Variants in DLGAP1 observed in about 807,000 individuals in gnomAD.
The protein encoded by DLGAP1 is DLG associated protein 1, also known as disks large-associated protein 1.
A neutral mutation model predicts 90.8 loss-of-function variants in DLGAP1; 11 were observed. The ratio of observed to expected loss-of-function variants is 0.12; its 90% CI spans 0.08 to 0.20. The LOEUF (loss-of-function observed/expected upper bound fraction) is 0.20, where lower values mean the gene tolerates loss of function less well. Among genes scored for constraint, DLGAP1 ranks in the 10% least tolerant of loss-of-function variants. DLGAP1 has a pLI of 1.00. For synonymous variants in DLGAP1, 558 were observed against 540.7 expected, an observed-to-expected ratio of 1.03 and a Z score of -0.44; for missense variants, 1,050 against 1,333.8, an observed-to-expected ratio of 0.79 and a Z score of 3.31.
intron 3 of DLGAP1, among the ~76,000 whole-genome samples, chr18:3,914,298 G>A (rs953443289): frequency 4.6e-5 from 7 of 152,138 alleles, no homozygotes; most frequent in Admixed American, 6.5e-5. Context: ...AAGTGAGGTC[G>A]TGCAGTATTT....
At chr18:3,870,649 T>TATCA (rs1017918167) in intron 4 of DLGAP1, among the ~76,000 whole-genome samples, 5 of 150,030 alleles carry the variant, frequency 3.3e-5, no homozygotes, top group Non-Finnish European at 5.9e-5. Context: ...TCTATCTATC[T>TATCA]ATCAAATAAA....
intron 7 of DLGAP1, chr18:3,654,016 T>A (rs1477205120): frequency 6.6e-6 from 1 of 152,294 alleles, no homozygotes; most frequent in African/African-American, 2.4e-5. Flanking sequence ...TGAGAATGCA[T>A]GCATGGAACA....
intron 3 of DLGAP1, among the ~76,000 whole-genome samples, chr18:3,888,000 T>C (rs913663195): frequency 1.4e-4 from 21 of 146,254 alleles, no homozygotes; most frequent in Admixed American, 7.7e-4. Flanking sequence ...CCCAGCTACT[T>C]GGGAGGCTGA....
At chr18:4,161,518 T>C (rs1235561326) in intron 1 of DLGAP1, among the ~76,000 whole-genome samples, 3 of 152,194 alleles carry the variant, frequency 2.0e-5, no homozygotes, top group Non-Finnish European at 2.9e-5. Context: ...GTTGATTCCA[T>C]GTCTTTGCTA....
At chr18:3,818,794 C>T (rs1183234953) in intron 4 of DLGAP1, among the ~76,000 whole-genome samples, 1 of 151,390 alleles carries the variant, frequency 6.6e-6, no homozygotes, top group Non-Finnish European at 1.5e-5. Flanking sequence ...TGGGGTTTTG[C>T]CATGTTGGCC....
intron 4 of DLGAP1, among the ~76,000 whole-genome samples, chr18:3,844,888 A>G (rs2068922623): frequency 6.6e-6 from 1 of 152,198 alleles, no homozygotes; most frequent in Non-Finnish European, 1.5e-5. Flanking sequence ...TTCAACAATC[A>G]GTGCTTAAGT....
In DLGAP1 at chr18:4,274,458, TTCCCTCTCAC is replaced by T. The variant is rs202096138; in HGVS notation, c.-266-123181_-266-123172del. Among the ~76,000 whole-genome samples the T allele has an allele frequency of 9.6e-3, 1,455 of 152,332 alleles. 27 individuals carry two copies. The highest frequency in any genetic ancestry group is 0.034 in the African/African-American group (1,401 of 41,586). On this transcript the variant is annotated intron_variant, in intron 1 of 12. Coordinates refer to ENST00000315677, the MANE Select transcript of DLGAP1 (RefSeq NM_004746.4). ...TGGTCCATTCTGGAAAACAGTCCTC[TTCCCTCTCAC>T]TTTGGACAGTCGAGAATTTACTCAA...
intron 7 of DLGAP1, among the ~76,000 whole-genome samples, chr18:3,702,048 ATTAATTATTTATTTACTT>A (rs781371013): frequency 2.6e-5 from 4 of 152,042 alleles, no homozygotes; most frequent in Non-Finnish European, 4.4e-5. Flanking sequence ...AATTAATTAA[ATTAATTATTTATTTACTT>A]TTGAGACAGA....
chr18:4,255,913 G>A lies in DLGAP1; in HGVS notation c.-266-104626C>T, dbSNP rs2078879213. Among the ~76,000 whole-genome samples the A allele has an allele frequency of 2.0e-5, 3 of 151,860 alleles. No individual in the cohort carries two copies. In the South Asian group the frequency reaches 6.2e-4, roughly 32 times the overall value. On this transcript the variant is annotated intron_variant, in intron 1 of 12. Transcript: ENST00000315677. ...GGAAATTCAATATCAATCATTATTT[G>A]GTTTCTTTAGTGAGAGAATGAAAGG...
At chr18:4,093,364 T>G (rs1237515806) in intron 2 of DLGAP1, among the ~76,000 whole-genome samples, 1 of 152,228 alleles carries the variant, frequency 6.6e-6, no homozygotes, top group Non-Finnish European at 1.5e-5. Context: ...ATGTTCTTTA[T>G]CTGAACTAGG....
rs570960165 is a variant in DLGAP1 at position 3,797,860 on chromosome 18, G to A, written c.1172+16199C>T. On this transcript the variant is annotated intron_variant, in intron 5 of 12. Transcript: ENST00000315677. ...GAATAGTAGCTCCCATAATTTCCAC[G>A]TGTTGAGGGAGAGACCTGGTAGAAG... Among the ~76,000 whole-genome samples, 5 of 152,256 alleles carry A rather than the reference G, an allele frequency of 3.3e-5. No homozygotes were observed. The South Asian group carries it at 1.0e-3, about 32-fold the overall frequency.
rs888949155 is a variant in DLGAP1 at position 4,391,957 on chromosome 18, G to T, written c.-267+63049C>A. Among the ~76,000 whole-genome samples the T allele has an allele frequency of 5.3e-5, 8 of 152,200 alleles. No individual in the cohort carries two copies. In the East Asian group the frequency reaches 1.2e-3, roughly 22 times the overall value. On this transcript the variant is annotated intron_variant, in intron 1 of 12. Coordinates refer to ENST00000315677, the MANE Select transcript of DLGAP1 (RefSeq NM_004746.4). ...AAGTCACACTACAAAGGCGATTGAG[G>T]TAGTTGGTTTTTAATCAGTTACTGA...
intron 1 of DLGAP1, among the ~76,000 whole-genome samples, chr18:4,390,429 G>A (rs1286251708): frequency 6.6e-6 from 1 of 151,758 alleles, no homozygotes; most frequent in Non-Finnish European, 1.5e-5. Context: ...CACATTCTAC[G>A]AGCTTTGAAA....
chr18:3,953,983 C>T (rs72864903), intron 3 of DLGAP1, among the ~76,000 whole-genome samples: 4,864 of 152,204 alleles, frequency 0.032, 113 homozygotes, highest in South Asian at 0.065. Context: ...TCATCACCAT[C>T]GGATTGTCCT....
intron 1 of DLGAP1, among the ~76,000 whole-genome samples, chr18:4,416,475 A>C: frequency 6.6e-6 from 1 of 152,240 alleles, no homozygotes; most frequent in East Asian, 1.9e-4. Context: ...TAAGATATGC[A>C]TCATAAGACA....
chr18:4,225,683 C>T (rs2078171829), intron 1 of DLGAP1, among the ~76,000 whole-genome samples: 1 of 151,404 alleles, frequency 6.6e-6, no homozygotes, highest in Admixed American at 6.6e-5. Context: ...CAGTCTCTTA[C>T]CAGTAGAGCT....
chr18:3,499,242 G>T lies in DLGAP1; in HGVS notation c.2877C>A (p.Ala959=). The change falls in exon 13 of 13, where the codon GCC becomes GCA. Residue 959 remains alanine (A), a synonymous_variant. Transcript: ENST00000315677. The surrounding 1 kb of genome is among the most constrained non-coding windows in gnomAD (Gnocchi z 6.4). The stretch of plus-strand genomic sequence containing the variant: ...TCTCGATGCTCTCGGCGCTCTCGGT[G>T]GCCGAGTTCTGGCGGACGGACGCGG... ...KRAASVRQNS[A]TESAESIEIY... The T allele has an allele frequency of 6.3e-7, 1 of 1,598,364 alleles. No homozygotes were observed. The highest frequency in any genetic ancestry group is 8.5e-7 in the Non-Finnish European group (1 of 1,174,474).
intron 7 of DLGAP1, among the ~76,000 whole-genome samples, chr18:3,623,974 G>A (rs1009437458): frequency 6.6e-6 from 1 of 151,892 alleles, no homozygotes; most frequent in Admixed American, 6.6e-5. Context: ...CCTCCTCCTC[G>A]TGCTGGGCTT....
At chr18:4,161,600 A>T (rs2076846748) in intron 1 of DLGAP1, among the ~76,000 whole-genome samples, 1 of 152,176 alleles carries the variant, frequency 6.6e-6, no homozygotes, top group Non-Finnish European at 1.5e-5. Flanking sequence ...CAAAGTATAG[A>T]AGAGCCTTAT....
Sources: gnomAD v4.1 joint callset for allele counts (sites outside exome capture counted in the v4.1 genomes callset) on GRCh38, gnomAD v4.1.1 for gene constraint, Gnocchi (gnomAD v3.1) non-coding constraint, MANE v1.5 for transcripts, NCBI Gene and HGNC (gene_info 2026-07-23, HGNC 2026-07-21) for gene names.